The following OCIAD1 variants were observed in gnomAD, a reference collection of about 807,000 sequenced individuals.
OCIAD1 encodes OCIA domain-containing protein 1.
Under a neutral mutation model 38.9 loss-of-function variants are expected in OCIAD1, and 29 were observed. The ratio of observed to expected loss-of-function variants is 0.74; its 90% confidence interval spans 0.55 to 1.02. The LOEUF (loss-of-function observed/expected upper bound fraction) is 1.02, where lower values mean the gene tolerates loss of function less well. Among genes scored for constraint, OCIAD1 ranks in the 50% least tolerant of loss-of-function variants. The pLI is 0.00. For missense variants in OCIAD1, 288 were observed against 289.6 expected, an observed-to-expected ratio of 0.99 and a Z score of 0.04; for synonymous variants, 110 against 92.0, an observed-to-expected ratio of 1.20 and a Z score of -1.12.
At chr4:48,831,786 T>G (rs1437852514) in intron 1 of OCIAD1, among the ~76,000 whole-genome samples, 2 of 152,340 alleles carry the variant, frequency 1.3e-5, no homozygotes, top group East Asian at 3.9e-4. Context: ...ATTAAGGGGT[T>G]GGCATGTAGT....
chr4:48,836,240 AGAT>A (rs1777975770), intron 3 of OCIAD1, among the ~76,000 whole-genome samples: 1 of 152,194 alleles, frequency 6.6e-6, no homozygotes, highest in Non-Finnish European at 1.5e-5. Flanking sequence ...GGACTGGAAA[AGAT>A]GAGCTGGCAA....
At chr4:48,831,727 G>C (rs1409383059) in intron 1 of OCIAD1, among the ~76,000 whole-genome samples, 2 of 152,146 alleles carry the variant, frequency 1.3e-5, no homozygotes, top group Non-Finnish European at 2.9e-5. Flanking sequence ...TATTCAGCAG[G>C]CTCCATCCAT....
intron 1 of OCIAD1, among the ~76,000 whole-genome samples, chr4:48,832,325 GTC>G (rs1476920644): frequency 3.9e-5 from 6 of 151,964 alleles, no homozygotes; most frequent in Admixed American, 2.0e-4. Flanking sequence ...GAAAAAATAT[GTC>G]TGTTATTTTA....
chr4:48,834,674 G>A (rs1777820584), intron 3 of OCIAD1, among the ~76,000 whole-genome samples: 2 of 152,190 alleles, frequency 1.3e-5, no homozygotes, highest in South Asian at 4.1e-4. Context: ...GGGAGGCTGA[G>A]GCTGAGGTAG....
intron 3 of OCIAD1, 72 bp downstream of exon 3, chr4:48,833,553 C>CT (rs1777722911): frequency 7.4e-6 from 7 of 949,648 alleles, no homozygotes; most frequent in African/African-American, 1.7e-5. Context: ...GAATTTGAAC[C>CT]TGAAATTATA....
At position 48,839,543 on chromosome 4, in the gene OCIAD1, G is replaced by T. The variant is rs566262369; in HGVS notation, c.140-3093G>T. Among the ~76,000 whole-genome samples the T allele has an allele frequency of 2.0e-5, 3 of 152,188 alleles. 1 individual carries two copies. In the South Asian group the frequency reaches 6.2e-4, roughly 32 times the overall value. On this transcript the variant is annotated intron_variant, in intron 3 of 8. Coordinates refer to ENST00000264312, the MANE Select transcript of OCIAD1 (RefSeq NM_017830.4). ...TTTTGGACAAGTTCCTGAGGTCTGT[G>T]CTATACTTTTCTTATCTATAAAATG...
chr4:48,843,888 G>T (rs1778749033), intron 4 of OCIAD1, among the ~76,000 whole-genome samples: 1 of 152,200 alleles, frequency 6.6e-6, no homozygotes, highest in African/African-American at 2.4e-5. Context: ...TTACACAAAA[G>T]AATTTAATAG....
intron 1 of OCIAD1, among the ~76,000 whole-genome samples, chr4:48,817,554 G>T (rs1777155458): frequency 6.6e-6 from 1 of 152,164 alleles, no homozygotes; most frequent in African/African-American, 2.4e-5. Flanking sequence ...ACCCCAGTGG[G>T]GCCTGGAACA....
intron 1 of OCIAD1, among the ~76,000 whole-genome samples, chr4:48,808,707 C>T (rs1161411042): frequency 6.6e-6 from 1 of 152,198 alleles, no homozygotes; most frequent in Non-Finnish European, 1.5e-5. Context: ...GACTTCCCAG[C>T]CTCCAGAACT....
intron 3 of OCIAD1, among the ~76,000 whole-genome samples, chr4:48,836,065 G>T (rs1053409790): frequency 2.0e-5 from 3 of 152,172 alleles, no homozygotes; most frequent in Non-Finnish European, 4.4e-5. Flanking sequence ...TTGAGCAGAG[G>T]GGGGTGATAT....
intron 7 of OCIAD1, among the ~76,000 whole-genome samples, chr4:48,855,608 A>G (rs1779961295): frequency 6.6e-6 from 1 of 152,090 alleles, no homozygotes; most frequent in South Asian, 2.1e-4. Context: ...ACCTGAGGTC[A>G]GAGTTCAAGA....
intron 2 of OCIAD1, 21 bp from the exon 3 acceptor site, chr4:48,833,380 C>T (rs774678119): frequency 1.4e-6 from 2 of 1,437,520 alleles, no homozygotes; most frequent in Non-Finnish European, 1.9e-6. Flanking sequence ...TTAATGTTTT[C>T]TGATTTTCCC....
At chr4:48,830,369 G>C (rs1777378222), upstream of OCIAD1, among the ~76,000 whole-genome samples, 1 of 152,166 alleles carries the variant, frequency 6.6e-6, no homozygotes, top group African/African-American at 2.4e-5. Context: ...TAGTAGGACT[G>C]GATTTGCCCA....
chr4:48,826,207 G>GTTTGT (rs1458349432), upstream of OCIAD1, among the ~76,000 whole-genome samples: 2 of 151,884 alleles, frequency 1.3e-5, no homozygotes, highest in Admixed American at 1.3e-4. Flanking sequence ...CAACGTGCAG[G>GTTTGT]TTTGTTACAT....
intron 7 of OCIAD1, among the ~76,000 whole-genome samples, chr4:48,852,776 C>A (rs564486263): frequency 6.6e-6 from 1 of 151,578 alleles, no homozygotes; most frequent in Non-Finnish European, 1.5e-5. Context: ...TCAGTCTAGT[C>A]GGCAGTAAAA....
intron 3 of OCIAD1, among the ~76,000 whole-genome samples, chr4:48,836,999 T>G (rs1255704923): frequency 6.6e-6 from 1 of 152,054 alleles, no homozygotes; most frequent in Non-Finnish European, 1.5e-5. Flanking sequence ...TGAGACGGAG[T>G]CTCGCTCTAT....
At chr4:48,827,899 G>A (rs1250538317), upstream of OCIAD1, among the ~76,000 whole-genome samples, 1 of 152,222 alleles carries the variant, frequency 6.6e-6, no homozygotes, top group African/African-American at 2.4e-5. Context: ...GATTGTGTAT[G>A]CACCAATCAG....
intron 3 of OCIAD1, among the ~76,000 whole-genome samples, chr4:48,836,277 T>C (rs1361318590): frequency 6.6e-6 from 1 of 152,108 alleles, no homozygotes; most frequent in African/African-American, 2.4e-5. Context: ...AAAGGACAAA[T>C]AAAAGGATTT....
At chr4:48,827,202 G>A (rs927383407), upstream of OCIAD1, among the ~76,000 whole-genome samples, 1 of 152,156 alleles carries the variant, frequency 6.6e-6, no homozygotes, top group African/African-American at 2.4e-5. Flanking sequence ...GCGTTCATTT[G>A]AAAATAAATC....
Sources: allele counts gnomAD v4.1 joint callset (sites outside exome capture counted in the v4.1 genomes callset), GRCh38; gene constraint gnomAD v4.1.1; transcripts MANE v1.5; gene names NCBI Gene and HGNC (gene_info 2026-07-23, HGNC 2026-07-21).